Variants in EXOC6B observed in about 807,000 individuals in gnomAD.
EXOC6B encodes SEC15 homolog B.
A neutral mutation model predicts 113.5 loss-of-function variants in EXOC6B; 54 were observed. The ratio of observed to expected loss-of-function variants is 0.48; its 90% CI spans 0.38 to 0.60. EXOC6B has a LOEUF of 0.60. Among genes scored for constraint, EXOC6B ranks in the 20% least tolerant of loss-of-function variants. The probability of loss-of-function intolerance (pLI) is 0.00; values close to 1 mark genes in which losing one functional copy is unlikely to be tolerated. For missense variants in EXOC6B, 797 were observed against 977.5 expected, an observed-to-expected ratio of 0.82 and a Z score of 2.46; for synonymous variants, 357 against 339.0, an observed-to-expected ratio of 1.05 and a Z score of -0.58.
intron 19 of EXOC6B, among the ~76,000 whole-genome samples, chr2:72,359,029 G>C (rs1442913841): frequency 6.6e-6 from 1 of 152,150 alleles, no homozygotes; most frequent in Non-Finnish European, 1.5e-5. Flanking sequence ...GTCCTAAGGA[G>C]ATAGGACTGG....
At chr2:72,606,630 TC>T (rs370522006) in intron 6 of EXOC6B, among the ~76,000 whole-genome samples, 28 of 151,196 alleles carry the variant, frequency 1.9e-4, no homozygotes, top group Non-Finnish European at 3.7e-4. Context: ...TCACTTTCTT[TC>T]TTTCTTTTTT....
chr2:72,368,667 C>T (rs1690798223), intron 19 of EXOC6B, among the ~76,000 whole-genome samples: 3 of 152,190 alleles, frequency 2.0e-5, no homozygotes, highest in East Asian at 1.9e-4. Context: ...TTATCTACCA[C>T]AATCAAGTGG....
intron 21 of EXOC6B, among the ~76,000 whole-genome samples, chr2:72,180,443 C>G (rs190446817): frequency 6.6e-6 from 1 of 152,370 alleles, no homozygotes; most frequent in Admixed American, 6.5e-5. Flanking sequence ...TGGCCACTAA[C>G]TCTTGTCCTA....
intron 6 of EXOC6B, among the ~76,000 whole-genome samples, chr2:72,595,267 A>ATATATATAGATATATAGATATATATATC (rs1670000626): frequency 2.0e-5 from 3 of 147,466 alleles, no homozygotes; most frequent in Non-Finnish European, 1.5e-5. Context: ...TCTCAAATAT[A>ATATATATAGATATATAGATATATATATC]TATATATAGA....
At chr2:72,236,899 C>T (rs147974263) in intron 20 of EXOC6B, among the ~76,000 whole-genome samples, 267 of 152,144 alleles carry the variant, frequency 1.8e-3, no homozygotes, top group African/African-American at 5.9e-3. Context: ...CAACAGATTA[C>T]GAGTCCCATA....
intron 1 of EXOC6B, among the ~76,000 whole-genome samples, chr2:72,781,508 T>C (rs930899727): frequency 1.3e-5 from 2 of 152,206 alleles, no homozygotes; most frequent in Admixed American, 6.5e-5. Context: ...TTATGGGACA[T>C]ATGGCATCTA....
intron 20 of EXOC6B, among the ~76,000 whole-genome samples, chr2:72,184,562 C>T (rs1678298691): frequency 6.6e-6 from 1 of 152,156 alleles, no homozygotes; most frequent in African/African-American, 2.4e-5. Context: ...TGCCAAGAAC[C>T]ATTCTCAGTA....
intron 18 of EXOC6B, among the ~76,000 whole-genome samples, chr2:72,431,485 T>TTCTCTATC (rs766066651): frequency 1.4e-4 from 19 of 133,892 alleles, no homozygotes; most frequent in South Asian, 2.7e-4. Context: ...CTTGATTTCT[T>TTCTCTATC]TATCTATCTA....
At chr2:72,383,554 T>C (rs1691819045) in intron 18 of EXOC6B, among the ~76,000 whole-genome samples, 1 of 151,862 alleles carries the variant, frequency 6.6e-6, no homozygotes, top group Non-Finnish European at 1.5e-5. Context: ...CTGGTCAGAG[T>C]GTAAATTAGT....
intron 1 of EXOC6B, among the ~76,000 whole-genome samples, chr2:72,758,437 G>T (rs1001901106): frequency 6.6e-6 from 1 of 150,526 alleles, no homozygotes; most frequent in African/African-American, 2.4e-5. Flanking sequence ...TACAAGATAT[G>T]CAAAAAAAAA....
chr2:72,230,575 A>C (rs114285258), intron 20 of EXOC6B, among the ~76,000 whole-genome samples: 135 of 152,292 alleles, frequency 8.9e-4, no homozygotes, highest in Middle Eastern at 6.8e-3. Flanking sequence ...ATTTTAACTA[A>C]CGACCTGGTC....
In EXOC6B at chr2:72,178,342, A is replaced by C. The variant is rs1677865729; in HGVS notation, c.*993T>G. The C allele has an allele frequency of 6.6e-6, 1 of 152,252 alleles. No individual in the cohort carries two copies. The highest frequency in any genetic ancestry group is 2.4e-5 in the African/African-American group (1 of 41,468). 9.4% of individuals were successfully genotyped at this position (152,252 alleles called of 1,614,324 possible). On this transcript the variant is annotated 3_prime_UTR_variant, in exon 22 of 22. Transcript: ENST00000272427. ...AGCTGGTTTTAAAACATAAAGGAAC[A>C]ATCCCAACTAATCCTCAGGTTACAC... is the stretch of plus-strand genomic sequence containing the variant.
At chr2:72,265,091 G>A (rs546205290) in intron 20 of EXOC6B, among the ~76,000 whole-genome samples, 2 of 152,076 alleles carry the variant, frequency 1.3e-5, no homozygotes, top group African/African-American at 4.8e-5. Context: ...GGAAGACATG[G>A]AACGTTTGGA....
At chr2:72,234,066 T>C (rs1681804262) in intron 20 of EXOC6B, among the ~76,000 whole-genome samples, 1 of 150,520 alleles carries the variant, frequency 6.6e-6, no homozygotes, top group Non-Finnish European at 1.5e-5. Flanking sequence ...ATGCAGAAGA[T>C]TGAAGCTGGA....
At chr2:72,300,355 T>C (rs1437019432) in intron 20 of EXOC6B, among the ~76,000 whole-genome samples, 2 of 152,172 alleles carry the variant, frequency 1.3e-5, no homozygotes, top group East Asian at 1.9e-4. Context: ...TCCTCAACAA[T>C]GGCGGACGCC....
intron 6 of EXOC6B, among the ~76,000 whole-genome samples, chr2:72,586,742 C>T (rs878962813): frequency 4.0e-5 from 6 of 151,506 alleles, no homozygotes; most frequent in Non-Finnish European, 8.8e-5. Flanking sequence ...CAGAGCAAGA[C>T]TCCGTCTCAA....
intron 18 of EXOC6B, among the ~76,000 whole-genome samples, chr2:72,416,358 C>T (rs986917245): frequency 7.2e-5 from 11 of 152,150 alleles, no homozygotes; most frequent in African/African-American, 2.4e-4. Context: ...TGTGATAACC[C>T]TTATTTAAAA....
At chr2:72,671,527 T>C (rs965136628) in intron 6 of EXOC6B, among the ~76,000 whole-genome samples, 1 of 151,744 alleles carries the variant, frequency 6.6e-6, no homozygotes, top group East Asian at 1.9e-4. Flanking sequence ...AAACCCCGTC[T>C]CTACTAAAAA....
chr2:72,445,963 ATGAC>A (rs1307948092), intron 18 of EXOC6B, among the ~76,000 whole-genome samples: 2 of 152,256 alleles, frequency 1.3e-5, no homozygotes, highest in South Asian at 4.1e-4. Context: ...ACCAGTCAGA[ATGAC>A]TATTATTAAA....
Sources: allele counts gnomAD v4.1 joint callset (sites outside exome capture counted in the v4.1 genomes callset), GRCh38; gene constraint gnomAD v4.1.1; transcripts MANE v1.5; gene names NCBI Gene and HGNC (gene_info 2026-07-23, HGNC 2026-07-21).